Variants in APBB2 observed in about 807,000 individuals in gnomAD.
APBB2 encodes the protein amyloid beta precursor protein binding family B member 2, also known as Fe65-like 1.
A neutral mutation model predicts 82.5 loss-of-function variants in APBB2; 38 were observed. The observed-to-expected ratio is 0.46, with a 90% CI of 0.36 to 0.60. The LOEUF (loss-of-function observed/expected upper bound fraction) is 0.60. APBB2 is among the 20% of genes least tolerant of loss of function. The probability of loss-of-function intolerance (pLI) is 0.00; values close to 1 mark genes in which losing one functional copy is unlikely to be tolerated. For missense variants in APBB2, 772 were observed against 972.3 expected (o/e 0.79, Z 2.74); for synonymous variants, 341 against 368.2 (o/e 0.93, Z 0.85).
In APBB2 at chr4:41,065,278, C is replaced by T. The variant is rs559516998; in HGVS notation, c.-51+298G>A. Among the ~76,000 whole-genome samples, 366 of 152,138 alleles carry T rather than the reference C, an allele frequency of 2.4e-3. 3 individuals carry two copies. The highest frequency in any genetic ancestry group is 0.011 in the South Asian group (52 of 4,818). ...CCAGCCTGGGCAACAGAGCAAGACC[C>T]TGTCTCAAAAAAGAAAAGAAAAATT... On this transcript the variant is annotated intron_variant, in intron 4 of 17. Transcript: ENST00000508593.
rs149085349 is a variant in APBB2, at chr4:40,895,148, G to A, written c.1255-1737C>T. Reference sequence around the variant, plus strand: ...TCACCGTGCACAGACTGGGCACCTCGTTCCTGAGCGGATGATCACACTTTG... The same window carrying A: ...TCACCGTGCACAGACTGGGCACCTCATTCCTGAGCGGATGATCACACTTTG... On this transcript the variant is annotated intron_variant, in intron 10 of 17. Coordinates refer to ENST00000508593, the MANE Select transcript of APBB2 (RefSeq NM_004307.2). 4.3e-3 allele frequency among the ~76,000 whole-genome samples: 660 copies of A among 152,190 alleles called. 6 individuals are homozygous for A. Among genetic ancestry groups the A allele is most frequent in the African/African-American group, 0.015 (610 of 41,516 alleles).
intron 10 of APBB2, among the ~76,000 whole-genome samples, chr4:40,917,104 A>AACTGGG (rs1780041095): frequency 6.6e-6 from 1 of 152,150 alleles, no homozygotes; most frequent in Non-Finnish European, 1.5e-5. Flanking sequence ...CCTGTGGGAC[A>AACTGGG]ACTGGGACTG....
At chr4:40,907,299 C>G (rs553405907) in intron 10 of APBB2, among the ~76,000 whole-genome samples, 1 of 147,048 alleles carries the variant, frequency 6.8e-6, no homozygotes, top group East Asian at 2.0e-4. Context: ...CAATGGGGCT[C>G]TACTCCAATA....
Position 41,045,208 on chromosome 4 carries a change from C to T in APBB2, c.-50-11904G>A, listed in dbSNP as rs193268076. ...TCTGAGTTTTGCTAATTCAGACTTA[C>T]GCTGCTCTTTCATCTCCTGTATAAT... On this transcript the variant is annotated intron_variant, in intron 4 of 17. Transcript: ENST00000508593. 3.6e-4 allele frequency among the ~76,000 whole-genome samples: 54 copies of T among 151,996 alleles called. No homozygotes were observed. In the East Asian group the frequency reaches 7.7e-3, roughly 22 times the overall value.
intron 10 of APBB2, among the ~76,000 whole-genome samples, chr4:40,926,103 T>A (rs1288954352): frequency 6.6e-6 from 1 of 152,204 alleles, no homozygotes; most frequent in Non-Finnish European, 1.5e-5. Context: ...TAGAAGATAC[T>A]GCATAGAAAG....
At chr4:40,986,850 A>C (rs1239687357) in intron 6 of APBB2, among the ~76,000 whole-genome samples, 1 of 152,262 alleles carries the variant, frequency 6.6e-6, no homozygotes, top group African/African-American at 2.4e-5. Context: ...AAAAATTATT[A>C]AGATAAATTT....
chr4:41,169,179 G>A lies in APBB2; in HGVS notation c.-416-26037C>T, dbSNP rs951550989. ...CAGCTTGGCGACAGAGCAACACTCC[G>A]TCTCAAAAAAAAAAAAAAAAAAAAA... is the stretch of plus-strand genomic sequence containing the variant. On this transcript the variant is annotated intron_variant, in intron 1 of 17. Transcript: ENST00000508593. Among the ~76,000 whole-genome samples, 13 of 92,542 alleles carry A rather than the reference G, an allele frequency of 1.4e-4. No individual in the cohort carries two copies. In the South Asian group the frequency reaches 2.0e-3, roughly 15 times the overall value. The allele number at this position is 92,542 out of a possible 152,430, so 60.7% of individuals were successfully genotyped here.
chr4:41,123,908 A>C lies in APBB2; in HGVS notation c.-261+19079T>G, dbSNP rs143009441. ...CTTAAACTAGCAGGGAAGGGCAGAG[A>C]TATCTGTAAAGGACCAGACAGTAAA... On this transcript the variant is annotated intron_variant, in intron 2 of 17. Transcript: ENST00000508593. Among the ~76,000 whole-genome samples the C allele has an allele frequency of 6.9e-3, 1,046 of 152,302 alleles. 13 individuals carry two copies. The highest frequency in any genetic ancestry group is 0.022 in the African/African-American group (894 of 41,566).
intron 1 of APBB2, among the ~76,000 whole-genome samples, chr4:41,160,710 C>T (rs1764932919): frequency 6.6e-6 from 1 of 152,164 alleles, no homozygotes. Context: ...CTCCAATATA[C>T]TTCTAGCTCA....
chr4:41,009,471 C>T (rs115889774), intron 6 of APBB2, among the ~76,000 whole-genome samples: 1 of 152,230 alleles, frequency 6.6e-6, no homozygotes, highest in Non-Finnish European at 1.5e-5. Flanking sequence ...TACTAAACAG[C>T]TGGAGGGGGC....
At chr4:40,895,562 G>T (rs1409823702) in intron 10 of APBB2, among the ~76,000 whole-genome samples, 1 of 152,204 alleles carries the variant, frequency 6.6e-6, no homozygotes, top group African/African-American at 2.4e-5. Context: ...TCTCCAGGTG[G>T]ATGTGTTGGA....
At chr4:41,126,002 T>TAAGC (rs1754267061) in intron 2 of APBB2, among the ~76,000 whole-genome samples, 1 of 152,138 alleles carries the variant, frequency 6.6e-6, no homozygotes, top group Admixed American at 6.5e-5. Flanking sequence ...AGTTGTAAGA[T>TAAGC]AAGCACCTCA....
chr4:40,824,147 C>CT (rs917717117), intron 15 of APBB2, among the ~76,000 whole-genome samples: 21 of 151,254 alleles, frequency 1.4e-4, no homozygotes, highest in African/African-American at 5.1e-4. Flanking sequence ...CAGTGAGACT[C>CT]TGTCTCAAAA....
rs1419772001 is a variant in APBB2, at chr4:40,960,446, GGTTT to G, written c.836-15377_836-15374del. 1.2e-3 allele frequency among the ~76,000 whole-genome samples: 149 copies of G among 120,534 alleles called. 1 individual carries two copies. The highest frequency in any genetic ancestry group is 4.4e-3 in the African/African-American group (142 of 32,402). The allele number at this position is 120,534 out of a possible 152,430, so 79.1% of individuals were successfully genotyped here. A position where few individuals can be genotyped will look rare whatever the true frequency, so the allele number is the denominator to read the frequency against. The stretch of plus-strand genomic sequence containing the variant: ...CATCAAAAACAGAAATTTTTTTTCG[GGTTT>G]TTTTTTTTTTTTTTTGAGACGGGGT... On this transcript the variant is annotated intron_variant, in intron 6 of 17. Coordinates refer to ENST00000508593, the MANE Select transcript of APBB2 (RefSeq NM_004307.2).
At chr4:41,146,422 C>T (rs559736630) in intron 1 of APBB2, among the ~76,000 whole-genome samples, 13 of 148,458 alleles carry the variant, frequency 8.8e-5, no homozygotes, top group African/African-American at 3.0e-4. Context: ...TGATCCTGGG[C>T]GGTTGAGGCT....
intron 1 of APBB2, among the ~76,000 whole-genome samples, chr4:41,176,800 C>T (rs1406217773): frequency 1.3e-5 from 2 of 151,984 alleles, no homozygotes; most frequent in African/African-American, 2.4e-5. Context: ...TTTGGGTTAA[C>T]AAAAACTAAA....
intron 6 of APBB2, among the ~76,000 whole-genome samples, chr4:41,006,106 T>C (rs1204004105): frequency 6.6e-6 from 1 of 152,236 alleles, no homozygotes; most frequent in Non-Finnish European, 1.5e-5. Flanking sequence ...AAAACTACTT[T>C]ATTCACTGGA....
chr4:41,121,463 C>T (rs946600934), intron 2 of APBB2, among the ~76,000 whole-genome samples: 2 of 152,240 alleles, frequency 1.3e-5, no homozygotes, highest in African/African-American at 4.8e-5. Context: ...TGGGAGCGTG[C>T]GTGTGTACAC....
chr4:40,820,193 G>A (rs1244881643), intron 17 of APBB2, among the ~76,000 whole-genome samples: 1 of 152,180 alleles, frequency 6.6e-6, no homozygotes, highest in African/African-American at 2.4e-5. Flanking sequence ...AGGCAGCTCG[G>A]TGCTTCTCAA....
Sources: gnomAD v4.1 joint callset for allele counts (sites outside exome capture counted in the v4.1 genomes callset) on GRCh38, gnomAD v4.1.1 for gene constraint, MANE v1.5 for transcripts, NCBI Gene and HGNC (gene_info 2026-07-23, HGNC 2026-07-21) for gene names.